HAUS1: variants seen among roughly 807,000 people sequenced by gnomAD.
HAUS1 encodes HAUS augmin like complex subunit 1, also known as HAUS augmin-like complex subunit 1.
In HAUS1, 25 loss-of-function variants were observed where a neutral mutation model predicts 38.6. That is an observed-to-expected ratio of 0.65 (90% CI 0.47 to 0.91). The LOEUF is 0.91. HAUS1 is among the 40% of genes least tolerant of loss of function. The probability of loss-of-function intolerance (pLI) is 0.00; values close to 1 mark genes in which losing one functional copy is unlikely to be tolerated. For synonymous variants in HAUS1, 109 were observed against 112.9 expected, an observed-to-expected ratio of 0.97 and a Z score of 0.22; for missense variants, 325 against 328.4, an observed-to-expected ratio of 0.99 and a Z score of 0.08.
chr18:46,106,484 A>G (rs11872954), intron 2 of HAUS1, among the ~76,000 whole-genome samples: 50,882 of 151,116 alleles, frequency 0.34, 9,340 homozygotes, highest in Middle Eastern at 0.51. Context: ...AAAAAAAAGA[A>G]AAAAAGAAAA....
chr18:46,104,871 T>TA (rs1475624423), intron 1 of HAUS1, among the ~76,000 whole-genome samples: 5 of 152,360 alleles, frequency 3.3e-5, no homozygotes, highest in African/African-American at 1.2e-4. Context: ...CACGGTCTAA[T>TA]AATGCGTTCG....
chr18:46,112,421 AT>A (rs1293053550), intron 2 of HAUS1, among the ~76,000 whole-genome samples: 1 of 65,312 alleles, frequency 1.5e-5, no homozygotes, highest in Non-Finnish European at 2.5e-5. Context: ...TATATTCCAT[AT>A]TATATATATA....
intron 2 of HAUS1, chr18:46,115,094 G>A (rs1284261942): frequency 6.6e-6 from 1 of 152,104 alleles, no homozygotes; most frequent in Non-Finnish European, 1.5e-5. Context: ...TTCAACAAAA[G>A]GGACAACTGG....
chr18:46,116,699 T>C (rs1300532635), intron 2 of HAUS1, among the ~76,000 whole-genome samples: 1 of 151,820 alleles, frequency 6.6e-6, no homozygotes, highest in Non-Finnish European at 1.5e-5. Context: ...TCATTAGTCA[T>C]CAGAGAAATT....
At chr18:46,125,911 A>C (rs1348496047) in intron 8 of HAUS1, 120 bp downstream of exon 8, 1 of 663,128 alleles carries the variant, frequency 1.5e-6, no homozygotes, top group Non-Finnish European at 2.7e-6. Flanking sequence ...TCCTAAAGTT[A>C]CTGTGTATCA....
At chr18:46,127,782 G>A (rs564486012) in intron 8 of HAUS1, among the ~76,000 whole-genome samples, 1 of 151,674 alleles carries the variant, frequency 6.6e-6, no homozygotes, top group Non-Finnish European at 1.5e-5. Flanking sequence ...AGTAGCAAAG[G>A]CCAGAAAAAT....
chr18:46,122,948 C>G (rs1318877874), intron 5 of HAUS1, among the ~76,000 whole-genome samples: 1 of 152,162 alleles, frequency 6.6e-6, no homozygotes, highest in Non-Finnish European at 1.5e-5. Context: ...CACGGTGGCT[C>G]ACGCCTGTAA....
intron 2 of HAUS1, among the ~76,000 whole-genome samples, chr18:46,117,875 G>T (rs1413350772): frequency 1.3e-5 from 2 of 151,994 alleles, no homozygotes; most frequent in African/African-American, 4.8e-5. Flanking sequence ...GAACCCGGGG[G>T]GTGGAGGTTG....
At chr18:46,117,210 T>C (rs1018991797) in intron 2 of HAUS1, among the ~76,000 whole-genome samples, 1 of 152,210 alleles carries the variant, frequency 6.6e-6, no homozygotes, top group African/African-American at 2.4e-5. Context: ...CATATGTTCA[T>C]ATCAAAACCT....
intron 2 of HAUS1, among the ~76,000 whole-genome samples, chr18:46,105,588 G>A (rs74171321): frequency 0.26 from 28,683 of 110,032 alleles, 3,385 homozygotes; most frequent in East Asian, 0.43. Flanking sequence ...GTGTGTGTGT[G>A]TGTGTATATA....
At chr18:46,105,809 G>A (rs984002801) in intron 2 of HAUS1, among the ~76,000 whole-genome samples, 1 of 152,102 alleles carries the variant, frequency 6.6e-6, no homozygotes, top group African/African-American at 2.4e-5. Flanking sequence ...TCGAACTCCT[G>A]ACTTCAGGTG....
chr18:46,123,591 G>C (rs1912011964), intron 6 of HAUS1, among the ~76,000 whole-genome samples: 1 of 152,064 alleles, frequency 6.6e-6, no homozygotes, highest in Non-Finnish European at 1.5e-5. Context: ...AACTCCGCTG[G>C]AGTCACTTAT....
chr18:46,110,152 CTTTTTTTTTTTT>C (rs869105132), intron 2 of HAUS1, among the ~76,000 whole-genome samples: 1 of 115,338 alleles, frequency 8.7e-6, no homozygotes, highest in African/African-American at 3.5e-5. Flanking sequence ...TTATTTTGTC[CTTTTTTTTTTTT>C]TTTTTTTTTG....
intron 4 of HAUS1, 43 bp downstream of exon 4, chr18:46,120,103 G>T (rs774997110): frequency 2.2e-6 from 3 of 1,386,448 alleles, no homozygotes; most frequent in Non-Finnish European, 2.0e-6. Context: ...ATAAATAAGG[G>T]AGTAATAGGA....
intron 6 of HAUS1, 103 bp downstream of exon 6, chr18:46,123,467 AT>A: frequency 1.3e-6 from 1 of 796,440 alleles, no homozygotes; most frequent in Non-Finnish European, 2.1e-6. Flanking sequence ...TGTGGACCTG[AT>A]TTCTTTTCCT....
chr18:46,105,407 A>T, intron 2 of HAUS1, 39 bp downstream of exon 2: 1 of 1,556,488 alleles, frequency 6.4e-7, no homozygotes, highest in African/African-American at 1.4e-5. Context: ...GAATAAATAG[A>T]GGTAACCAAA....
chr18:46,110,987 G>A (rs924222938), intron 2 of HAUS1, among the ~76,000 whole-genome samples: 4 of 144,872 alleles, frequency 2.8e-5, no homozygotes, highest in Non-Finnish European at 4.5e-5. Flanking sequence ...AGCGATTCTC[G>A]TGCCTCAGCC....
chr18:46,125,678 A>G, intron 7 of HAUS1, 66 bp from the exon 8 acceptor site: 2 of 1,100,448 alleles, frequency 1.8e-6, no homozygotes, highest in Admixed American at 2.2e-5. Context: ...GGATTATGGC[A>G]TTATTTTTCT....
At position 46,115,529 on chromosome 18, in the gene HAUS1, G is replaced by A. The variant is rs574356759; in HGVS notation, c.206-2652G>A. On this transcript the variant is annotated intron_variant, in intron 2 of 8. Coordinates refer to ENST00000282058, the MANE Select transcript of HAUS1 (RefSeq NM_138443.4). The stretch of plus-strand genomic sequence containing the variant: ...TGTAGTCCCAGCTACTTGGGAGGCT[G>A]AGGTGGGAGGATTGCTTGAGCCCGG... Among the ~76,000 whole-genome samples the A allele has an allele frequency of 7.9e-5, 12 of 151,692 alleles. No individual in the cohort carries two copies. In the East Asian group the frequency reaches 2.1e-3, roughly 27 times the overall value.
Sources: gnomAD v4.1 joint callset for allele counts (sites outside exome capture counted in the v4.1 genomes callset) on GRCh38, gnomAD v4.1.1 for gene constraint, MANE v1.5 for transcripts, NCBI Gene and HGNC (gene_info 2026-07-23, HGNC 2026-07-21) for gene names.